The following TRPM3 variants were observed in gnomAD, a reference collection of about 807,000 sequenced individuals.
TRPM3 encodes transient receptor potential cation channel subfamily M member 3.
A neutral mutation model predicts 181.2 loss-of-function variants in TRPM3; 77 were observed. That is an observed-to-expected ratio of 0.42 (90% CI 0.35 to 0.51). The LOEUF is 0.51. Ranked by LOEUF, TRPM3 falls within the 20% of genes least tolerant of loss-of-function variation. The pLI is 0.01. For missense variants in TRPM3, 1,759 were observed against 2,196.7 expected (o/e 0.80, Z 3.98); for synonymous variants, 745 against 796.4 (o/e 0.94, Z 1.09).
At chr9:70,985,287 G>A (rs971931502) in intron 1 of TRPM3, among the ~76,000 whole-genome samples, 2 of 152,194 alleles carry the variant, frequency 1.3e-5, no homozygotes, top group Non-Finnish European at 2.9e-5. Flanking sequence ...TTCTTAAAGA[G>A]AGATGGATGA....
At chr9:71,215,606 C>T (rs2079815829) in intron 1 of TRPM3, among the ~76,000 whole-genome samples, 1 of 152,180 alleles carries the variant, frequency 6.6e-6, no homozygotes, top group African/African-American at 2.4e-5. Flanking sequence ...TACTAATGAA[C>T]ACACTAAATT....
chr9:70,642,949 C>G (rs925245093), intron 9 of TRPM3, among the ~76,000 whole-genome samples: 1 of 152,128 alleles, frequency 6.6e-6, no homozygotes, highest in African/African-American at 2.4e-5. Flanking sequence ...AGTAACAAGG[C>G]CCTCAAGAGC....
intron 1 of TRPM3, among the ~76,000 whole-genome samples, chr9:71,421,964 T>C (rs890558419): frequency 1.3e-5 from 2 of 152,028 alleles, no homozygotes; most frequent in African/African-American, 4.8e-5. Flanking sequence ...TCCCTTTTTT[T>C]GTATTGTCAC....
chr9:70,772,285 A>G (rs933993076), intron 7 of TRPM3, among the ~76,000 whole-genome samples: 1 of 151,918 alleles, frequency 6.6e-6, no homozygotes, highest in Non-Finnish European at 1.5e-5. Flanking sequence ...CTGGTTGGAT[A>G]TCACAGATAT....
At chr9:70,594,769 C>T (rs944454604) in intron 21 of TRPM3, among the ~76,000 whole-genome samples, 1 of 152,198 alleles carries the variant, frequency 6.6e-6, no homozygotes, top group African/African-American at 2.4e-5. Context: ...CCCTAGACCA[C>T]AGGGCAGGGA....
chr9:70,975,457 C>T (rs1184229178), intron 1 of TRPM3, among the ~76,000 whole-genome samples: 4 of 152,138 alleles, frequency 2.6e-5, no homozygotes, highest in Non-Finnish European at 5.9e-5. Flanking sequence ...CTTCAAGTCA[C>T]ACTATATTTT....
chr9:71,103,025 A>C (rs1198288103), intron 1 of TRPM3, among the ~76,000 whole-genome samples: 1 of 152,186 alleles, frequency 6.6e-6, no homozygotes, highest in African/African-American at 2.4e-5. Context: ...GAGGGATAAA[A>C]ATTTTTTTTA....
At chr9:70,570,930 C>T (rs1055655434) in intron 22 of TRPM3, among the ~76,000 whole-genome samples, 3 of 152,102 alleles carry the variant, frequency 2.0e-5, no homozygotes, top group African/African-American at 2.4e-5. Flanking sequence ...CCTTTTATTC[C>T]ATTGTCTTTC....
intron 8 of TRPM3, among the ~76,000 whole-genome samples, chr9:70,754,546 C>A (rs1018510523): frequency 1.3e-5 from 2 of 151,854 alleles, no homozygotes; most frequent in Non-Finnish European, 2.9e-5. Context: ...GAGGGGCTGC[C>A]CCACCTAGCT....
At chr9:70,898,747 C>CAAAAAAAAAAAAAAAAAAAA (rs34952516) in intron 1 of TRPM3, among the ~76,000 whole-genome samples, 4 of 93,348 alleles carry the variant, frequency 4.3e-5, no homozygotes, top group Non-Finnish European at 8.4e-5. Flanking sequence ...GACTTCATCT[C>CAAAAAAAAAAAAAAAAAAAA]AAAAAAAAAA....
At chr9:70,545,283 T>C (rs950232113) in intron 25 of TRPM3, among the ~76,000 whole-genome samples, 47 of 152,112 alleles carry the variant, frequency 3.1e-4, no homozygotes, top group Non-Finnish European at 8.8e-5. Context: ...AAAAAGTAAA[T>C]GAATGGATAA....
At chr9:71,336,179 G>GAA (rs796477216) in intron 1 of TRPM3, among the ~76,000 whole-genome samples, 100 of 117,980 alleles carry the variant, frequency 8.5e-4, no homozygotes, top group Middle Eastern at 4.4e-3. Flanking sequence ...CAAACTGTCC[G>GAA]AAAAAAAAAA....
At chr9:71,056,433 T>C (rs2060663294) in intron 1 of TRPM3, among the ~76,000 whole-genome samples, 1 of 152,018 alleles carries the variant, frequency 6.6e-6, no homozygotes, top group Admixed American at 6.6e-5. Context: ...TTAGGCTTCT[T>C]ATGTCCTGTT....
chr9:71,163,307 G>C (rs1342225896), intron 1 of TRPM3, among the ~76,000 whole-genome samples: 2 of 152,124 alleles, frequency 1.3e-5, no homozygotes, highest in Non-Finnish European at 2.9e-5. Flanking sequence ...AGGATCAATA[G>C]TGATAAAGAG....
intron 1 of TRPM3, among the ~76,000 whole-genome samples, chr9:71,332,312 CT>C (rs984938424): frequency 2.0e-5 from 3 of 150,846 alleles, no homozygotes; most frequent in African/African-American, 7.3e-5. Context: ...TTGGATACAT[CT>C]TTGGCTAAAG....
rs796447501 is a variant in TRPM3 at position 71,359,551 on chromosome 9, A to AT, written c.183+87101dup. Among the ~76,000 whole-genome samples, 198 of 151,470 alleles carry AT rather than the reference A, an allele frequency of 1.3e-3. 1 individual carries two copies. The highest frequency in any genetic ancestry group is 6.1e-3 in the South Asian group (29 of 4,778). On this transcript the variant is annotated intron_variant, in intron 1 of 24. Transcript: ENST00000357533. ...TTCTAAAACATAAACCTACTGCATG[A>AT]TTTTTTTTTCAGTTTAATTGCTAGC... is the stretch of plus-strand genomic sequence containing the variant.
intron 1 of TRPM3, among the ~76,000 whole-genome samples, chr9:71,153,980 T>C (rs377022143): frequency 1.3e-5 from 2 of 152,140 alleles, no homozygotes; most frequent in Non-Finnish European, 2.9e-5. Context: ...TTTATATAAA[T>C]ACCAAGAGTA....
At chr9:71,310,040 A>G (rs538684548) in intron 1 of TRPM3, among the ~76,000 whole-genome samples, 114 of 152,242 alleles carry the variant, frequency 7.5e-4, no homozygotes, top group African/African-American at 2.7e-3. Context: ...TAAACTATGA[A>G]TATTTGTAAA....
rs1292576891 is a variant in TRPM3 at position 71,270,652 on chromosome 9, AATG to A, written c.183+175998_183+176000del. On this transcript the variant is annotated intron_variant, in intron 1 of 24. Transcript: ENST00000357533. ...AACTGTCCCTTCCTGTGGTAGGAAGAATGATATCTTCCTAATACCTTTACTCCT... is the reference window on the plus strand; with the variant it reads ...AACTGTCCCTTCCTGTGGTAGGAAGAATATCTTCCTAATACCTTTACTCCT... 3.3e-5 allele frequency among the ~76,000 whole-genome samples: 5 copies of A among 152,268 alleles called. No homozygotes were observed. The South Asian group carries it at 8.3e-4, about 25-fold the overall frequency.
Sources: allele counts gnomAD v4.1 joint callset (sites outside exome capture counted in the v4.1 genomes callset), GRCh38; gene constraint gnomAD v4.1.1; transcripts MANE v1.5; gene names NCBI Gene and HGNC (gene_info 2026-07-23, HGNC 2026-07-21).